KCNQ1: variants seen among roughly 807,000 people sequenced by gnomAD.
KCNQ1 encodes the protein potassium voltage-gated channel subfamily Q member 1, also known as potassium voltage-gated channel subfamily KQT member 1.
Under a neutral mutation model 72.4 loss-of-function variants are expected in KCNQ1, and 49 were observed. The observed-to-expected ratio is 0.68, with a 90% CI of 0.54 to 0.86. The LOEUF is 0.86. Among genes scored for constraint, KCNQ1 ranks in the 40% least tolerant of loss-of-function variants. The pLI is 0.00. For synonymous variants in KCNQ1, 450 were observed against 412.6 expected (o/e 1.09, Z -1.10); for missense variants, 790 against 945.1 (o/e 0.84, Z 2.15).
At chr11:2,733,833 C>CTCTCTA (rs1845902027) in intron 11 of KCNQ1, among the ~76,000 whole-genome samples, 1 of 37,174 alleles carries the variant, frequency 2.7e-5, no homozygotes, top group East Asian at 4.6e-4. Context: ...CTCTCTCTCT[C>CTCTCTA]TCTCTCTCTC....
At position 2,493,864 on chromosome 11, in the gene KCNQ1, G is replaced by GT. The variant is rs35957494; in HGVS notation, c.387-34058dup. On this transcript the variant is annotated intron_variant, in intron 1 of 15. Coordinates refer to ENST00000155840, the MANE Select transcript of KCNQ1 (RefSeq NM_000218.3). The surrounding 1 kb of genome is among the most constrained non-coding windows in gnomAD (Gnocchi z 5.3). ...TTGGTTCCATATGAAATTTAAAGTA[G>GT]TTTTTTCTAATTCTGTGAAGAAAGT... Among the ~76,000 whole-genome samples the GT allele has an allele frequency of 6.6e-6, 1 of 152,134 alleles. No individual in the cohort carries two copies. Among genetic ancestry groups the GT allele is most frequent in the South Asian group, 2.1e-4 (1 of 4,828 alleles).
intron 2 of KCNQ1, among the ~76,000 whole-genome samples, chr11:2,552,934 T>A (rs1848005270): frequency 6.6e-6 from 1 of 152,252 alleles, no homozygotes; most frequent in Non-Finnish European, 1.5e-5. Flanking sequence ...ATCAGGATTG[T>A]GTAATTTTTA....
chr11:2,574,354 C>T (rs571637013), intron 6 of KCNQ1, among the ~76,000 whole-genome samples: 10 of 151,732 alleles, frequency 6.6e-5, no homozygotes, highest in South Asian at 2.1e-4. Flanking sequence ...TCACTCAGTC[C>T]GATAACAGGT....
intron 2 of KCNQ1, among the ~76,000 whole-genome samples, chr11:2,560,236 G>A: frequency 1.2e-5 from 1 of 84,202 alleles, no homozygotes. Flanking sequence ...ATCCTTGGGG[G>A]ATGGGGGGGT....
At chr11:2,522,494 C>A (rs777578226) in intron 1 of KCNQ1, among the ~76,000 whole-genome samples, 1 of 152,232 alleles carries the variant, frequency 6.6e-6, no homozygotes, top group Non-Finnish European at 1.5e-5. Context: ...CCCTGAGTGC[C>A]TCAAGGGCAG....
intron 10 of KCNQ1, chr11:2,632,834 GT>G: frequency 2.5e-6 from 1 of 398,402 alleles, no homozygotes; most frequent in African/African-American, 2.1e-5. Flanking sequence ...GGAGATTTAA[GT>G]TGATTCCATA....
At position 2,663,757 on chromosome 11, in the gene KCNQ1, T is replaced by C. The variant is rs1183079373; in HGVS notation, c.1514+1676T>C. ...AAGGTGGTGAGAGACCAGGCACTTA[T>C]GTGGATCACAGCCAAACTTGCAGCT... On this transcript the variant is annotated intron_variant, in intron 11 of 15. Transcript: ENST00000155840. The surrounding 1 kb of genome is among the most constrained non-coding windows in gnomAD (Gnocchi z 5.2). 2.5e-6 allele frequency: 1 copy of C among 398,600 alleles called. No homozygotes were observed. Among genetic ancestry groups the C allele is most frequent in the African/African-American group, 2.1e-5 (1 of 48,642 alleles). The allele number at this position is 398,600 out of a possible 1,614,324, so 24.7% of individuals were successfully genotyped here.
chr11:2,699,109 A>G, intron 11 of KCNQ1: 1 of 398,662 alleles, frequency 2.5e-6, no homozygotes, highest in South Asian at 1.3e-4. Context: ...GCGCGGACTC[A>G]GAACCACGAT....
chr11:2,803,158 C>CA lies in KCNQ1; in HGVS notation c.1794+25121_1794+25122insA, dbSNP rs1847305396. 7.0e-6 allele frequency among the ~76,000 whole-genome samples: 1 copy of CA among 142,926 alleles called. No individual in the cohort carries two copies. Among genetic ancestry groups the CA allele is most frequent in the African/African-American group, 2.9e-5 (1 of 34,352 alleles). The allele number at this position is 142,926 out of a possible 152,430, so 93.8% of individuals were successfully genotyped here. A position where few individuals can be genotyped will look rare whatever the true frequency, so the allele number is the denominator to read the frequency against. On this transcript the variant is annotated intron_variant, in intron 15 of 15. Coordinates refer to ENST00000155840, the MANE Select transcript of KCNQ1 (RefSeq NM_000218.3). This position sits in a 1 kb window ranked among gnomAD's most constrained non-coding sequence, Gnocchi z 6.4. The stretch of plus-strand genomic sequence containing the variant: ...TAGCCCAGAAAACCCAGCCGGGCCC[C>CA]CCCCCCCACGGGCACCCAGGAACCG...
intron 11 of KCNQ1, among the ~76,000 whole-genome samples, chr11:2,700,353 G>A (rs982921175): frequency 6.6e-6 from 1 of 152,148 alleles, no homozygotes; most frequent in African/African-American, 2.4e-5. Flanking sequence ...ACACGGGCCA[G>A]TTCTCTGCGT....
Position 2,498,434 on chromosome 11 carries a change from T to C in KCNQ1, c.387-29494T>C, listed in dbSNP as rs1219875928. ...CAGTCTGGCCTCAGCTGCTTTGCTG[T>C]GCTTTGGTGAATTCTGCCCAGTCCA... On this transcript the variant is annotated intron_variant, in intron 1 of 15. Coordinates refer to ENST00000155840, the MANE Select transcript of KCNQ1 (RefSeq NM_000218.3). The surrounding 1 kb of genome is among the most constrained non-coding windows in gnomAD (Gnocchi z 4.8). Among the ~76,000 whole-genome samples the C allele has an allele frequency of 6.6e-6, 1 of 152,232 alleles. No individual in the cohort carries two copies. Among genetic ancestry groups the C allele is most frequent in the Non-Finnish European group, 1.5e-5 (1 of 68,042 alleles).
chr11:2,667,337 T>A, intron 11 of KCNQ1: 1 of 398,626 alleles, frequency 2.5e-6, no homozygotes, highest in Non-Finnish European at 4.4e-6. Flanking sequence ...CAGTGAGGCT[T>A]CTCATTTCCT....
chr11:2,662,624 C>T (rs959360896), intron 11 of KCNQ1: 5 of 410,582 alleles, frequency 1.2e-5, no homozygotes, highest in African/African-American at 1.0e-4. Flanking sequence ...CCAGGCCAAT[C>T]CCCGGTGCCC....
At position 2,580,606 on chromosome 11, in the gene KCNQ1, T is replaced by C. The variant is rs188568959; in HGVS notation, c.922-2829T>C. ...GGGTGGGAGCAGGAGTGCCTGTTAG[T>C]GCCCCCCAGCCACAGAGAGTGCTGC... On this transcript the variant is annotated intron_variant, in intron 6 of 15. Transcript: ENST00000155840. Among the ~76,000 whole-genome samples the C allele has an allele frequency of 3.7e-3, 570 of 152,276 alleles. 3 individuals are homozygous for C. Among genetic ancestry groups the C allele is most frequent in the African/African-American group, 0.012 (512 of 41,570 alleles).
At position 2,848,038 on chromosome 11, in the gene KCNQ1, G is replaced by T. The variant is rs780217220; in HGVS notation, c.*35G>T. The T allele has an allele frequency of 2.6e-6, 4 of 1,512,956 alleles. No homozygotes were observed. The highest frequency in any genetic ancestry group is 2.8e-5 in the African/African-American group (2 of 72,490). The allele number at this position is 1,512,956 out of a possible 1,614,324, so 93.7% of individuals were successfully genotyped here. ...GGGGCTGGGGGATGGGCCTGAGTGA[G>T]AGGGGAGGCCAAGAGTGGCCCCACC... On this transcript the variant is annotated 3_prime_UTR_variant, in exon 16 of 16. Transcript: ENST00000155840.
intron 10 of KCNQ1, chr11:2,641,194 T>C: frequency 2.5e-6 from 1 of 398,542 alleles, no homozygotes; most frequent in Non-Finnish European, 4.4e-6. Flanking sequence ...AGTAGTGAGA[T>C]TGCTGGATTA....
At chr11:2,666,123 C>T (rs895847305) in intron 11 of KCNQ1, 5 of 398,706 alleles carry the variant, frequency 1.3e-5, no homozygotes, top group Non-Finnish European at 2.2e-5. Flanking sequence ...CTGAAGGGCC[C>T]CTGTCTCTTC....
chr11:2,709,406 C>T (rs1404604836), intron 11 of KCNQ1, among the ~76,000 whole-genome samples: 1 of 141,370 alleles, frequency 7.1e-6, no homozygotes, highest in Non-Finnish European at 1.5e-5. Flanking sequence ...TCTGGTGCTA[C>T]GGTCCTGCAG....
chr11:2,498,796 C>A lies in KCNQ1; in HGVS notation c.387-29132C>A, dbSNP rs748504558. Among the ~76,000 whole-genome samples the A allele has an allele frequency of 6.6e-6, 1 of 152,184 alleles. No individual in the cohort carries two copies. Among genetic ancestry groups the A allele is most frequent in the Non-Finnish European group, 1.5e-5 (1 of 68,030 alleles). Reference sequence around the variant, plus strand: ...CAGCAACTCAGTTTTGTGCTTGAAACCCAGGGCCCTGGTGGTATAGGCACA... The same window carrying A: ...CAGCAACTCAGTTTTGTGCTTGAAAACCAGGGCCCTGGTGGTATAGGCACA... On this transcript the variant is annotated intron_variant, in intron 1 of 15. Coordinates refer to ENST00000155840, the MANE Select transcript of KCNQ1 (RefSeq NM_000218.3). This position sits in a 1 kb window ranked among gnomAD's most constrained non-coding sequence, Gnocchi z 4.8.
Sources: allele counts gnomAD v4.1 joint callset (sites outside exome capture counted in the v4.1 genomes callset), GRCh38; gene constraint gnomAD v4.1.1; non-coding constraint Gnocchi (gnomAD v3.1); transcripts MANE v1.5; gene names NCBI Gene and HGNC (gene_info 2026-07-23, HGNC 2026-07-21).